LONRF3: variants seen among roughly 807,000 people sequenced by gnomAD.
The protein encoded by LONRF3 is LON peptidase N-terminal domain and RING finger protein 3.
LONRF3 carries 19 observed loss-of-function variants against 51.7 expected under a neutral mutation model. The ratio of observed to expected loss-of-function variants is 0.37; its 90% CI spans 0.26 to 0.54. The LOEUF is 0.54. Among genes scored for constraint, LONRF3 ranks in the 20% least tolerant of loss-of-function variants. The pLI is 0.86. For synonymous variants in LONRF3, 265 were observed against 257.8 expected (o/e 1.03, Z -0.27); for missense variants, 521 against 623.9 (o/e 0.84, Z 1.76).
chrX:118,989,627 G>A lies in LONRF3; in HGVS notation c.1279G>A (p.Glu427Lys). Residue 427 changes from glutamate to lysine, a missense_variant, in exon 4 of 11, where the codon GAA (glutamate) becomes AAA (lysine). This residue lies in a region of LONRF3 where 376 missense variants were observed against 376.7 expected (regional missense o/e 1.00). Transcript: ENST00000371628. ...AAAGAAAAGGAAACATTGCCAGATT[G>A]AATCCCAAGAAGAAACGGGGATGCC... is the stretch of plus-strand genomic sequence containing the variant. Reference protein sequence around the residue: ...QEKKRKHCQIESQEETGMPNK... With the variant: ...QEKKRKHCQIKSQEETGMPNK... 1 of 1,210,925 alleles carries A rather than the reference G, an allele frequency of 8.3e-7. No homozygotes were observed.
chrX:118,976,381 C>T (rs1464507853), intron 1 of LONRF3: 2 of 113,853 alleles, frequency 1.8e-5, no homozygotes, highest in African/African-American at 6.4e-5. Flanking sequence ...CCCCGCTGCC[C>T]TGTGACTCAT....
chrX:118,982,728 A>G, intron 2 of LONRF3, 93 bp from the exon 3 acceptor site: 1 of 1,091,269 alleles, frequency 9.2e-7, no homozygotes, highest in East Asian at 3.1e-5. Flanking sequence ...AAAATGTTTC[A>G]CACAACAGTG....
chrX:118,983,001 T>C (rs1922686192), intron 3 of LONRF3, 58 bp downstream of exon 3: 3 of 1,161,833 alleles, frequency 2.6e-6, no homozygotes, highest in Non-Finnish European at 3.5e-6. Context: ...CTCTGTCTTA[T>C]CTAGGAAGGG....
intron 5 of LONRF3, among the ~76,000 whole-genome samples, chrX:118,998,670 CTTT>C (rs1370484141): frequency 8.9e-6 from 1 of 111,978 alleles, no homozygotes; most frequent in Admixed American, 9.4e-5. Flanking sequence ...TAACAAAAGT[CTTT>C]TTATTTATTT....
intron 8 of LONRF3, among the ~76,000 whole-genome samples, chrX:119,012,469 T>C (rs1246912670): frequency 1.8e-5 from 2 of 111,138 alleles, no homozygotes; most frequent in Admixed American, 1.9e-4. Context: ...CACAGACTAA[T>C]AATTTATGAA....
intron 10 of LONRF3, among the ~76,000 whole-genome samples, chrX:119,014,877 G>T (rs1425155831): frequency 8.9e-6 from 1 of 111,915 alleles, no homozygotes; most frequent in Admixed American, 9.5e-5. Flanking sequence ...GTCTATCTAT[G>T]CTTCGCCCTG....
chrX:118,978,195 T>G (rs1922238345), intron 1 of LONRF3, 150 bp from the exon 2 acceptor site: 1 of 457,912 alleles, frequency 2.2e-6, no homozygotes, highest in Non-Finnish European at 3.8e-6. Context: ...AGGACAATAT[T>G]AGGACTAGAA....
At chrX:119,003,891 ATTT>A (rs1357553634) in intron 5 of LONRF3, among the ~76,000 whole-genome samples, 1 of 112,304 alleles carries the variant, frequency 8.9e-6, no homozygotes, top group Admixed American at 9.4e-5. Context: ...TGGACACTTG[ATTT>A]TTAAAAGGAG....
chrX:119,009,384 C>G, intron 7 of LONRF3, 137 bp downstream of exon 7: 1 of 632,133 alleles, frequency 1.6e-6, no homozygotes, highest in Non-Finnish European at 2.3e-6. Flanking sequence ...AGTATTTACA[C>G]CATGGAAATT....
intron 1 of LONRF3, among the ~76,000 whole-genome samples, chrX:118,976,008 G>A (rs1198038838): frequency 8.9e-6 from 1 of 112,123 alleles, no homozygotes; most frequent in Admixed American, 9.3e-5. Flanking sequence ...CTGCACTCCT[G>A]GTCTCCTCTT....
chrX:118,994,672 A>T (rs954960678), intron 5 of LONRF3, among the ~76,000 whole-genome samples: 1 of 111,572 alleles, frequency 9.0e-6, no homozygotes, highest in Non-Finnish European at 1.9e-5. Flanking sequence ...AAGTGCTGGG[A>T]TTACAGGCAT....
chrX:118,996,367 C>T (rs750041153), intron 5 of LONRF3, among the ~76,000 whole-genome samples: 6 of 111,045 alleles, frequency 5.4e-5, no homozygotes, highest in African/African-American at 2.0e-4. Flanking sequence ...TAAAGAGGAA[C>T]TCAGATTGTC....
chrX:118,989,563 T>C lies in LONRF3; in HGVS notation c.1215T>C (p.Ser405=), dbSNP rs1331643387. The change falls in exon 4 of 11, where the codon TCT becomes TCC. Residue 405 remains serine, a synonymous_variant. Transcript: ENST00000371628. Reference sequence around the variant, plus strand: ...AGGAGGAGAAGTGGGATGCTACCTCTCCAAAAGCTGCTTCCAGCAAGACTG... The same window carrying C: ...AGGAGGAGAAGTGGGATGCTACCTCCCCAAAAGCTGCTTCCAGCAAGACTG... The part of the protein sequence containing the change: ...EEEEEKWDAT[S]PKAASSKTGK... The C allele has an allele frequency of 8.3e-7, 1 of 1,210,758 alleles. No homozygotes were observed. The highest frequency in any genetic ancestry group is 2.2e-5 in the Admixed American group (1 of 45,921).
At chrX:118,988,219 C>T (rs1432593602) in intron 3 of LONRF3, among the ~76,000 whole-genome samples, 14 of 111,849 alleles carry the variant, frequency 1.3e-4, no homozygotes, top group Non-Finnish European at 2.4e-4. Context: ...AATCACAGAA[C>T]CCCCAGTGAT....
rs1337854405 is a variant in LONRF3 at position 119,013,134 on chromosome X, G to A, written c.1907G>A (p.Arg636Lys). Residue 636 changes from arginine (R) to lysine (K), a missense_variant, in exon 9 of 11, where the codon AGG becomes AAG. Arg to Lys is a conservative substitution (Grantham distance 26, BLOSUM62 2). Around this residue, in one of 2 missense-constraint regions of LONRF3, gnomAD observed 145 missense variants for 247.2 expected, o/e 0.59. Coordinates refer to ENST00000371628, the MANE Select transcript of LONRF3 (RefSeq NM_001031855.3). Reference sequence around the variant, plus strand: ...GACAGCATAGGCAAGAGGCGCTTCAGGGTGCTCCATCAGAGCCAGCGGGAT... The same window carrying A: ...GACAGCATAGGCAAGAGGCGCTTCAAGGTGCTCCATCAGAGCCAGCGGGAT... ...VVDSIGKRRF[R>K]VLHQSQRDGY... is the part of the protein sequence containing the mutation. The A allele has an allele frequency of 8.2e-7, 1 of 1,212,442 alleles. No homozygotes were observed. Among genetic ancestry groups the A allele is most frequent in the South Asian group, 1.8e-5 (1 of 57,034 alleles).
At chrX:118,977,768 C>T (rs896626879) in intron 1 of LONRF3, among the ~76,000 whole-genome samples, 1 of 112,233 alleles carries the variant, frequency 8.9e-6, no homozygotes, top group Non-Finnish European at 1.9e-5. Context: ...GAAACCTTGT[C>T]CAAGTTCATT....
At position 118,978,981 on chromosome X, in the gene LONRF3, CTCTT is replaced by C. The variant is rs1330674120; in HGVS notation, c.936+522_936+525del. Among the ~76,000 whole-genome samples the C allele has an allele frequency of 5.9e-5, 6 of 102,433 alleles. No homozygotes were observed. In the East Asian group the frequency reaches 1.6e-3, roughly 27 times the overall value. 89.0% of individuals were successfully genotyped at this position (102,433 alleles called of 115,157 possible). ...TTCCTTCCTTCCTTTCTCTCTCTCT[CTCTT>C]TCTGTTTTCTTTCTTTTTTTTTTTT... On this transcript the variant is annotated intron_variant, in intron 2 of 10. Transcript: ENST00000371628.
intron 1 of LONRF3, among the ~76,000 whole-genome samples, chrX:118,978,140 C>A (rs899975216): frequency 9.0e-6 from 1 of 111,191 alleles, no homozygotes; most frequent in Non-Finnish European, 1.9e-5. Flanking sequence ...AATGACTTTG[C>A]AGTTGGGGAA....
intron 7 of LONRF3, among the ~76,000 whole-genome samples, chrX:119,009,568 G>A (rs562310267): frequency 9.0e-5 from 10 of 111,568 alleles, no homozygotes; most frequent in African/African-American, 2.9e-4. Context: ...GGAACTTAAC[G>A]AAATGTCCAA....
Sources: gnomAD v4.1 joint callset for allele counts (sites outside exome capture counted in the v4.1 genomes callset) on GRCh38, gnomAD v4.1.1 for gene constraint, gnomAD v4.1.1 regional missense constraint, MANE v1.5 for transcripts, NCBI Gene and HGNC (gene_info 2026-07-23, HGNC 2026-07-21) for gene names.